The following ERG variants were observed in gnomAD, a reference collection of about 807,000 sequenced individuals.
ERG encodes transcriptional regulator ERG.
Under a neutral mutation model 55.3 loss-of-function variants are expected in ERG, and 9 were observed. The observed-to-expected ratio is 0.16, with a 90% CI of 0.10 to 0.28. ERG has a LOEUF of 0.28. ERG is among the 10% of genes least tolerant of loss of function. The probability of loss-of-function intolerance (pLI) is 1.00; values close to 1 mark genes in which losing one functional copy is unlikely to be tolerated. For synonymous variants in ERG, 223 were observed against 237.3 expected (o/e 0.94, Z 0.55); for missense variants, 434 against 631.6 (o/e 0.69, Z 3.35).
chr21:38,565,359 A>T (rs1328737252), intron 2 of ERG, among the ~76,000 whole-genome samples: 1 of 152,244 alleles, frequency 6.6e-6, no homozygotes, highest in African/African-American at 2.4e-5. Flanking sequence ...GCTTTAAAAA[A>T]TTCAATCAGA....
At chr21:38,377,008 C>T (rs1032286070), downstream of ERG, among the ~76,000 whole-genome samples, 1 of 152,222 alleles carries the variant, frequency 6.6e-6, no homozygotes, top group Non-Finnish European at 1.5e-5. Context: ...ATTTGACATG[C>T]CCTGAAGACT....
intron 1 of ERG, among the ~76,000 whole-genome samples, chr21:38,604,090 T>TAA (rs369603620): frequency 6.9e-6 from 1 of 143,940 alleles, no homozygotes; most frequent in Admixed American, 7.0e-5. Context: ...CTACTAAAAA[T>TAA]AAAAAAAAAA....
At chr21:38,500,036 C>G (rs1345166974), upstream of ERG, among the ~76,000 whole-genome samples, 1 of 135,030 alleles carries the variant, frequency 7.4e-6, no homozygotes, top group East Asian at 2.0e-4. Flanking sequence ...GATTAAAATT[C>G]TGTTTCCCCG....
rs185680030 is a variant in ERG, at chr21:38,634,257, G to A, written c.-150+27401C>T. On this transcript the variant is annotated intron_variant, in intron 1 of 10. Transcript: ENST00000398910. Reference sequence around the variant, plus strand: ...AAGATTTCTAGGTACCATTCTAGGTGTTCCTAGTCCCCATTATGAGCAAAA... The same window carrying A: ...AAGATTTCTAGGTACCATTCTAGGTATTCCTAGTCCCCATTATGAGCAAAA... Among the ~76,000 whole-genome samples the A allele has an allele frequency of 3.9e-3, 591 of 152,248 alleles. 3 individuals carry two copies. The highest frequency in any genetic ancestry group is 0.013 in the African/African-American group (537 of 41,558).
chr21:38,516,460 GA>G (rs1229009380), intron 2 of ERG, among the ~76,000 whole-genome samples: 1 of 151,624 alleles, frequency 6.6e-6, no homozygotes, highest in Admixed American at 6.6e-5. Context: ...GAAAGAAATG[GA>G]AAAGGACACA....
rs535319442 is a variant in ERG at position 38,626,512 on chromosome 21, T to TG, written c.-150+35145dup. On this transcript the variant is annotated intron_variant, in intron 1 of 10. Coordinates refer to the ERG transcript ENST00000398910. The stretch of plus-strand genomic sequence containing the variant: ...CAGACACTGCAGCATTACTCACATT[T>TG]GGGCACTCATTGGTAGGGCCACATT... Among the ~76,000 whole-genome samples, 16 of 152,326 alleles carry TG rather than the reference T, an allele frequency of 1.1e-4. No individual in the cohort carries two copies. In the South Asian group the frequency reaches 3.1e-3, roughly 30 times the overall value.
intron 1 of ERG, among the ~76,000 whole-genome samples, chr21:38,642,031 G>T (rs958195873): frequency 6.6e-6 from 1 of 152,210 alleles, no homozygotes; most frequent in African/African-American, 2.4e-5. Context: ...ATACTCAACA[G>T]AAGAGGACTA....
At chr21:38,368,153 CCTT>C in the ERG span, among the ~76,000 whole-genome samples, 2 of 152,142 alleles carry the variant, frequency 1.3e-5, no homozygotes, top group African/African-American at 4.8e-5. Flanking sequence ...TCTGATTCTC[CCTT>C]CTTAACCCCA....
At chr21:38,510,281 G>T (rs190550430) in intron 2 of ERG, among the ~76,000 whole-genome samples, 9 of 152,228 alleles carry the variant, frequency 5.9e-5, no homozygotes, top group African/African-American at 2.2e-4. Flanking sequence ...CCTCCCAGAC[G>T]GAGCTAGGAT....
intron 1 of ERG, among the ~76,000 whole-genome samples, chr21:38,619,518 A>G (rs1027496289): frequency 3.3e-5 from 5 of 152,136 alleles, no homozygotes; most frequent in African/African-American, 4.8e-5. Flanking sequence ...AAAGACCCCA[A>G]AAAAATGGCA....
chr21:38,416,911 C>T (rs1042541349), intron 3 of ERG, among the ~76,000 whole-genome samples: 7 of 152,170 alleles, frequency 4.6e-5, no homozygotes, highest in Non-Finnish European at 7.4e-5. Context: ...CAGAGGAAAA[C>T]GGCAGAGGCT....
At chr21:38,433,405 C>T (rs1990309155) in intron 2 of ERG, among the ~76,000 whole-genome samples, 1 of 152,058 alleles carries the variant, frequency 6.6e-6, no homozygotes. Flanking sequence ...AGCTGTCGTC[C>T]ATACATAATA....
At chr21:38,482,637 C>T (rs1356024744) in intron 1 of ERG, among the ~76,000 whole-genome samples, 2 of 151,362 alleles carry the variant, frequency 1.3e-5, no homozygotes, top group African/African-American at 2.4e-5. Flanking sequence ...TGGATGAATA[C>T]ATAAAATAAA....
At chr21:38,604,119 A>G (rs1286136170) in intron 1 of ERG, among the ~76,000 whole-genome samples, 2 of 151,850 alleles carry the variant, frequency 1.3e-5, no homozygotes, top group Non-Finnish European at 2.9e-5. Context: ...TGGGCATGGT[A>G]GCGGGCGCCT....
chr21:38,373,879 A>AT, the ERG span, among the ~76,000 whole-genome samples: 8 of 151,588 alleles, frequency 5.3e-5, no homozygotes, highest in African/African-American at 9.7e-5. Context: ...TTTGTAAACT[A>AT]TTTTTTTTTA....
the ERG span, among the ~76,000 whole-genome samples, chr21:38,373,588 TGG>T: frequency 1.6e-4 from 24 of 152,332 alleles, 1 homozygote; most frequent in South Asian, 4.1e-3. Context: ...ATCCAAGTCC[TGG>T]GTCTGAGTTC....
chr21:38,423,353 G>C (rs1338971949), intron 3 of ERG, 57 bp downstream of exon 3: 11 of 1,562,510 alleles, frequency 7.0e-6, no homozygotes, highest in Non-Finnish European at 9.6e-6. Flanking sequence ...CTGAGGCTCA[G>C]CCTAGCCTTG....
At chr21:38,596,055 T>TGGG (rs1568938862) in intron 1 of ERG, among the ~76,000 whole-genome samples, 2 of 103,606 alleles carry the variant, frequency 1.9e-5, no homozygotes, top group African/African-American at 8.9e-5. Flanking sequence ...TGGTGTGGGA[T>TGGG]TGGGGGGGGG....
chr21:38,635,685 A>G (rs1473481792), intron 1 of ERG, among the ~76,000 whole-genome samples: 4 of 152,244 alleles, frequency 2.6e-5, no homozygotes, highest in Non-Finnish European at 5.9e-5. Flanking sequence ...TGGAAGGCAT[A>G]TAACTTTGCA....
Sources: gnomAD v4.1 joint callset for allele counts (sites outside exome capture counted in the v4.1 genomes callset) on GRCh38, gnomAD v4.1.1 for gene constraint, MANE v1.5 for transcripts, NCBI Gene and HGNC (gene_info 2026-07-23, HGNC 2026-07-21) for gene names.